The following NOTCH2 variants were observed in gnomAD, a reference collection of about 807,000 sequenced individuals.
The protein encoded by NOTCH2 is neurogenic locus notch homolog protein 2.
NOTCH2 carries 29 observed loss-of-function variants against 235.8 expected under a neutral mutation model. The ratio of observed to expected loss-of-function variants is 0.12; its 90% CI spans 0.09 to 0.17. The LOEUF is 0.17. NOTCH2 is among the 10% of genes least tolerant of loss of function. The probability of loss-of-function intolerance (pLI) is 1.00; values close to 1 mark genes in which losing one functional copy is unlikely to be tolerated. For synonymous variants in NOTCH2, 1,086 were observed against 1,141.5 expected (o/e 0.95, Z 0.98); for missense variants, 2,285 against 3,150.2 (o/e 0.73, Z 6.57).
chr1:119,968,025 T>C, intron 7 of NOTCH2, 52 bp downstream of exon 7: 1 of 1,606,652 alleles, frequency 6.2e-7, no homozygotes, highest in Non-Finnish European at 8.5e-7. Flanking sequence ...GTTTAAACAT[T>C]TGCTGAGCTC....
At chr1:119,973,098 G>A (rs587760478) in intron 5 of NOTCH2, among the ~76,000 whole-genome samples, 2 of 152,336 alleles carry the variant, frequency 1.3e-5, no homozygotes, top group East Asian at 3.9e-4. Context: ...CTGTTCGATA[G>A]TGCTTGTTAG....
At chr1:119,964,874 A>C (rs1475370968) in intron 10 of NOTCH2, among the ~76,000 whole-genome samples, 1 of 152,262 alleles carries the variant, frequency 6.6e-6, no homozygotes, top group African/African-American at 2.4e-5. Context: ...ATGTGATTAC[A>C]AACCCAGAAA....
intron 21 of NOTCH2, among the ~76,000 whole-genome samples, chr1:119,936,580 C>G (rs587654269): frequency 2.6e-5 from 4 of 152,256 alleles, no homozygotes; most frequent in African/African-American, 9.6e-5. Flanking sequence ...CCAGCCCCAG[C>G]CTGCTGTGAA....
Position 120,068,905 on chromosome 1 carries a change from G to A in NOTCH2, c.73+429C>T, listed in dbSNP as rs1481187286. On this transcript the variant is annotated intron_variant, in intron 1 of 33. Transcript: ENST00000256646. ...GACGGTGCAGGCCGTTTGGCTTGGC[G>A]GCCCTGCCCCCGCTCTCCACGCCAG... 1.0e-5 allele frequency: 8 copies of A among 790,286 alleles called. 1 individual carries two copies. The highest frequency in any genetic ancestry group is 1.5e-5 in the Non-Finnish European group (8 of 531,380). The allele number at this position is 790,286 out of a possible 1,614,324, so 49.0% of individuals were successfully genotyped here.
intron 22 of NOTCH2, 33 bp downstream of exon 22, chr1:119,935,439 C>G: frequency 6.2e-7 from 1 of 1,614,094 alleles, no homozygotes; most frequent in Non-Finnish European, 8.5e-7. Flanking sequence ...AGACAATGCC[C>G]TGGATGGAAA....
intron 12 of NOTCH2, among the ~76,000 whole-genome samples, chr1:119,957,240 T>C (rs782566313): frequency 6.6e-6 from 1 of 152,242 alleles, no homozygotes; most frequent in Non-Finnish European, 1.5e-5. Flanking sequence ...GCCATGAGTA[T>C]ATACATCAAG....
chr1:119,986,506 A>C (rs1475613711), intron 5 of NOTCH2, among the ~76,000 whole-genome samples: 1 of 152,212 alleles, frequency 6.6e-6, no homozygotes, highest in Admixed American at 6.5e-5. Flanking sequence ...CACTTTGCCT[A>C]GTTATAGAAC....
chr1:119,925,629 G>A lies in NOTCH2; in HGVS notation c.4187C>T (p.Pro1396Leu). The A allele has an allele frequency of 6.2e-7, 1 of 1,613,856 alleles. No homozygotes were observed. The highest frequency in any genetic ancestry group is 8.5e-7 in the Non-Finnish European group (1 of 1,179,810). The change falls in exon 25 of 34, where the codon CCT (proline) becomes CTT (leucine). Residue 1396 changes from proline to leucine, a missense_variant. Physicochemically the swap from Pro to Leu is moderately conservative, Grantham distance 98 (BLOSUM62 -3). Around this residue, in one of 6 missense-constraint regions of NOTCH2, gnomAD observed 1,173 missense variants for 1,515.3 expected, o/e 0.77. Coordinates refer to ENST00000256646, the MANE Select transcript of NOTCH2 (RefSeq NM_024408.4). ...TGGGGCACACTGGCAGGAGTAATAA[G>A]GAGGCTGGCGCTGAGGGTGGCAGCT... ...GGSCHPQRQPPYYSCQCAPPF... is the reference protein window; with the variant it reads ...GGSCHPQRQPLYYSCQCAPPF...
intron 17 of NOTCH2, 24 bp downstream of exon 17, chr1:119,948,390 T>C (rs1553197308): frequency 1.2e-6 from 2 of 1,613,528 alleles, no homozygotes; most frequent in Non-Finnish European, 1.7e-6. Context: ...CTCTGGGGGC[T>C]TAAGAGCTGA....
chr1:119,930,439 A>T (rs1649614926), intron 22 of NOTCH2, among the ~76,000 whole-genome samples: 1 of 151,146 alleles, frequency 6.6e-6, no homozygotes, highest in African/African-American at 2.4e-5. Flanking sequence ...AAGAAACAAA[A>T]GAAATCAATG....
intron 5 of NOTCH2, among the ~76,000 whole-genome samples, chr1:119,970,008 AG>A (rs1383814075): frequency 6.6e-6 from 1 of 152,198 alleles, no homozygotes; most frequent in Non-Finnish European, 1.5e-5. Context: ...ATCAAAGAGA[AG>A]GTAAAACCTG....
At chr1:119,979,861 G>A (rs1377025865) in intron 5 of NOTCH2, among the ~76,000 whole-genome samples, 1 of 151,948 alleles carries the variant, frequency 6.6e-6, no homozygotes, top group Admixed American at 6.5e-5. Context: ...CCTCATCTTC[G>A]AGAGAAAGAA....
In NOTCH2 at chr1:119,916,025, GA is replaced by G. The variant is rs1487827620; in HGVS notation, c.6696del (p.Pro2233GlnfsTer9). 6.2e-7 allele frequency: 1 copy of G among 1,613,788 alleles called. No individual in the cohort carries two copies. Among genetic ancestry groups the G allele is most frequent in the South Asian group, 1.1e-5 (1 of 91,086 alleles). The stretch of plus-strand genomic sequence containing the variant: ...AAGCTTCCAGCACTGCCACTGCCTG[GA>G]GACACAATGTGGTGGTGGGATAGCA... ...SQLLSHHHIVSPGSGSAGSLS... is the reference protein window; with the variant it reads ...SQLLSHHHIVXPGSGSAGSLS... On this transcript the variant is annotated frameshift_variant, in exon 34 of 34. Transcript: ENST00000256646. LOFTEE classifies it high-confidence loss of function.
chr1:120,062,981 A>C lies in NOTCH2; in HGVS notation c.73+6353T>G, dbSNP rs1474021169. Reference sequence around the variant, plus strand: ...CTGCCATACAGATAATATTCTCCTCAAAAAAGAGAGACAGGAGAAAAAACA... The same window carrying C: ...CTGCCATACAGATAATATTCTCCTCCAAAAAGAGAGACAGGAGAAAAAACA... On this transcript the variant is annotated intron_variant, in intron 1 of 33. Coordinates refer to ENST00000256646, the MANE Select transcript of NOTCH2 (RefSeq NM_024408.4). Among the ~76,000 whole-genome samples, 34 of 152,062 alleles carry C rather than the reference A, an allele frequency of 2.2e-4. 1 individual carries two copies. The highest frequency in any genetic ancestry group is 3.9e-4 in the Admixed American group (6 of 15,272).
chr1:119,965,638 A>G, intron 9 of NOTCH2, 72 bp from the exon 10 acceptor site: 1 of 1,068,886 alleles, frequency 9.4e-7, no homozygotes, highest in Non-Finnish European at 1.5e-6. Flanking sequence ...GAATGATGTT[A>G]GGTTACTAGC....
Position 119,961,952 on chromosome 1 carries a change from G to T in NOTCH2, c.1915+1622C>A, listed in dbSNP as rs150102028. ...CTCTTTTAATGGATTTTCCACCCAG[G>T]TCCCTGATACATGCCAGGTCTTTCT... On this transcript the variant is annotated intron_variant, in intron 11 of 33. Coordinates refer to ENST00000256646, the MANE Select transcript of NOTCH2 (RefSeq NM_024408.4). Among the ~76,000 whole-genome samples, 68 of 152,192 alleles carry T rather than the reference G, an allele frequency of 4.5e-4. No homozygotes were observed. In the East Asian group the frequency reaches 0.012, roughly 28 times the overall value.
rs201888453 is a variant in NOTCH2 at position 119,925,818 on chromosome 1, A to C, written c.4006-8T>G. 1.4e-5 allele frequency: 22 copies of C among 1,613,878 alleles called. No homozygotes were observed. Among genetic ancestry groups the C allele is most frequent in the Non-Finnish European group, 1.9e-5 (22 of 1,180,000 alleles). ...CCTTGCCCCGGAAAATCCCTGTGGA[A>C]ATCAGTGAGGAAATAAAAATGGCAT... On this transcript the variant is annotated splice_polypyrimidine_tract_variant and splice_region_variant and intron_variant, in intron 24 of 33. Transcript: ENST00000256646.
chr1:119,966,520 A>G (rs1651143336), intron 8 of NOTCH2, 31 bp from the exon 9 acceptor site: 1 of 1,476,722 alleles, frequency 6.8e-7, no homozygotes. Flanking sequence ...AAGTGGCTTA[A>G]AGAGAGAGAA....
chr1:120,017,880 A>G (rs1236789425), intron 2 of NOTCH2, among the ~76,000 whole-genome samples: 1 of 151,874 alleles, frequency 6.6e-6, no homozygotes, highest in Admixed American at 6.6e-5. Context: ...AAGACTGACT[A>G]CATAAACCAC....
Sources: gnomAD v4.1 joint callset for allele counts (sites outside exome capture counted in the v4.1 genomes callset) on GRCh38, gnomAD v4.1.1 for gene constraint, gnomAD v4.1.1 regional missense constraint, MANE v1.5 for transcripts, NCBI Gene and HGNC (gene_info 2026-07-23, HGNC 2026-07-21) for gene names.